The following AHI1 variants were observed in gnomAD, a reference collection of about 807,000 sequenced individuals.
AHI1 encodes Abelson helper integration site 1, also known as jouberin.
Under a neutral mutation model 149.3 loss-of-function variants are expected in AHI1, and 123 were observed. The observed-to-expected ratio is 0.82, with a 90% CI of 0.71 to 0.96. The LOEUF (loss-of-function observed/expected upper bound fraction) is 0.96, where lower values mean the gene tolerates loss of function less well. Ranked by LOEUF, AHI1 falls within the 40% of genes least tolerant of loss-of-function variation. The pLI is 0.00. For synonymous variants in AHI1, 475 were observed against 459.8 expected (o/e 1.03, Z -0.42); for missense variants, 1,439 against 1,422.7 (o/e 1.01, Z -0.18).
intron 26 of AHI1, among the ~76,000 whole-genome samples, chr6:135,309,834 C>T (rs1216846279): frequency 6.6e-6 from 1 of 152,120 alleles, no homozygotes; most frequent in Non-Finnish European, 1.5e-5. Context: ...AGTTTCATCA[C>T]TATCCTTGAT....
rs1778532290 is a variant in AHI1, at chr6:135,391,755, G to GT, written c.3109+3020dup. Among the ~76,000 whole-genome samples the GT allele has an allele frequency of 4.6e-5, 7 of 152,258 alleles. No homozygotes were observed. The South Asian group carries it at 1.5e-3, about 32-fold the overall frequency. On this transcript the variant is annotated intron_variant, in intron 23 of 28. Coordinates refer to ENST00000265602, the MANE Select transcript of AHI1 (RefSeq NM_001134831.2). Reference sequence around the variant, plus strand: ...ATTCAATGATACTTGTTAAAGCACAGTAAGAAAGACTTTATTCAGGGCTAC... The same window carrying GT: ...ATTCAATGATACTTGTTAAAGCACAGTTAAGAAAGACTTTATTCAGGGCTAC...
At chr6:135,300,379 C>A (rs1319418110) in intron 27 of AHI1, 121 bp downstream of exon 27, 16 of 974,018 alleles carry the variant, frequency 1.6e-5, no homozygotes, top group Non-Finnish European at 2.2e-5. Flanking sequence ...CCTTTAAAAT[C>A]AACTATCTGA....
intron 11 of AHI1, among the ~76,000 whole-genome samples, chr6:135,451,223 C>T (rs1051050509): frequency 6.6e-6 from 1 of 152,154 alleles, no homozygotes; most frequent in Non-Finnish European, 1.5e-5. Flanking sequence ...TCTCAAACTC[C>T]TGACCTCAAG....
intron 24 of AHI1, among the ~76,000 whole-genome samples, chr6:135,327,101 C>T (rs773177348): frequency 2.6e-5 from 4 of 152,134 alleles, no homozygotes; most frequent in African/African-American, 4.8e-5. Context: ...GAGTAGCAGT[C>T]GACATACATA....
intron 5 of AHI1, chr6:135,490,097 ATTTGCTTAGTC>A: frequency 1.4e-6 from 1 of 701,118 alleles, no homozygotes; most frequent in South Asian, 1.5e-5. Flanking sequence ...TTAGTTGCTG[ATTTGCTTAGTC>A]TTTGAGCACT....
intron 27 of AHI1, 42 bp from the exon 28 acceptor site, chr6:135,290,567 G>A (rs1371904617): frequency 1.2e-6 from 2 of 1,608,540 alleles, no homozygotes; most frequent in Non-Finnish European, 1.7e-6. Flanking sequence ...CAGTAAAAGA[G>A]AGCTGAGCTA....
At chr6:135,425,746 C>T (rs7759971) in intron 20 of AHI1, among the ~76,000 whole-genome samples, 44,859 of 151,528 alleles carry the variant, frequency 0.3, 7,174 homozygotes, top group South Asian at 0.42. Context: ...AGCTCTTTCT[C>T]CTACTAGGCC....
intron 20 of AHI1, among the ~76,000 whole-genome samples, chr6:135,423,989 T>C (rs540219009): frequency 2.0e-5 from 3 of 152,184 alleles, no homozygotes; most frequent in East Asian, 1.9e-4. Context: ...GGGTAGGTAC[T>C]AGTAGGAAAA....
At chr6:135,448,599 T>A in intron 11 of AHI1, 124 bp from the exon 12 acceptor site, 1 of 777,702 alleles carries the variant, frequency 1.3e-6, no homozygotes, top group Non-Finnish European at 1.8e-6. Context: ...TTCTTAGTTT[T>A]AAAAAGCAAA....
At chr6:135,398,779 GACCTCTCCC>G (rs1388461245) in intron 22 of AHI1, among the ~76,000 whole-genome samples, 1 of 152,072 alleles carries the variant, frequency 6.6e-6, no homozygotes, top group Non-Finnish European at 1.5e-5. Flanking sequence ...TGAAAGAATG[GACCTCTCCC>G]ACCTATCCTT....
chr6:135,440,090 A>G (rs1485557702), intron 14 of AHI1, among the ~76,000 whole-genome samples: 1 of 152,152 alleles, frequency 6.6e-6, no homozygotes, highest in Non-Finnish European at 1.5e-5. Context: ...CCTGTCTCAA[A>G]CTTTAAAGGA....
intron 24 of AHI1, among the ~76,000 whole-genome samples, chr6:135,330,593 T>A (rs1282336243): frequency 1.3e-5 from 2 of 152,236 alleles, no homozygotes; most frequent in East Asian, 3.8e-4. Flanking sequence ...GGTATTGCAG[T>A]GGTCTGGAAC....
intron 27 of AHI1, among the ~76,000 whole-genome samples, chr6:135,293,392 C>CAAAAAAA (rs1175955601): frequency 7.0e-4 from 14 of 20,104 alleles, no homozygotes; most frequent in African/African-American, 1.6e-3. Flanking sequence ...GTTAACAGGG[C>CAAAAAAA]AAAAAAAAAA....
chr6:135,451,493 AC>A (rs1788091903), intron 11 of AHI1, among the ~76,000 whole-genome samples: 1 of 152,208 alleles, frequency 6.6e-6, no homozygotes, highest in African/African-American at 2.4e-5. Flanking sequence ...AAAATGTTCA[AC>A]ATATTTACCC....
intron 13 of AHI1, among the ~76,000 whole-genome samples, chr6:135,445,283 A>G (rs557018974): frequency 6.6e-6 from 1 of 152,376 alleles, no homozygotes; most frequent in South Asian, 2.1e-4. Flanking sequence ...TTCATCTGGT[A>G]GCAGCTCATA....
rs148906154 is a variant in AHI1 at position 135,396,197 on chromosome 6, G to A, written c.2989-1301C>T. 3.4e-4 allele frequency among the ~76,000 whole-genome samples: 51 copies of A among 151,690 alleles called. 1 individual carries two copies. The East Asian group carries it at 9.5e-3, about 28-fold the overall frequency. On this transcript the variant is annotated intron_variant, in intron 22 of 28. Coordinates refer to ENST00000265602, the MANE Select transcript of AHI1 (RefSeq NM_001134831.2). ...AGTATTTTCCAAAGTAGTTGGGGGG[G>A]TCAAATACCACATCAGTCCTAAAAT...
In AHI1 at chr6:135,442,810, T is replaced by C. The variant is rs891702817; in HGVS notation, c.1780-96A>G. 4.2e-5 allele frequency: 49 copies of C among 1,157,228 alleles called. No homozygotes were observed. The African/African-American group carries it at 6.5e-4, about 15-fold the overall frequency. The allele number at this position is 1,157,228 out of a possible 1,614,324, so 71.7% of individuals were successfully genotyped here. On this transcript the variant is annotated intron_variant, in intron 13 of 28. Coordinates refer to ENST00000265602, the MANE Select transcript of AHI1 (RefSeq NM_001134831.2). Reference sequence around the variant, plus strand: ...TTACTGTAGTTCTTTTAAGTCCTTTTATGATGCAGAGAAAGAGAAAAACAA... The same window carrying C: ...TTACTGTAGTTCTTTTAAGTCCTTTCATGATGCAGAGAAAGAGAAAAACAA...
rs771505431 is a variant in AHI1 at position 135,388,066 on chromosome 6, A to G, written c.3109+6710T>C. On this transcript the variant is annotated intron_variant, in intron 23 of 28. Coordinates refer to ENST00000265602, the MANE Select transcript of AHI1 (RefSeq NM_001134831.2). ...ACAAATTCTTGTCGTTAAAAACTGC[A>G]TAATAAAAACATTTTTGATTCTTTT... 53 of 1,610,792 alleles carry G rather than the reference A, an allele frequency of 3.3e-5. No homozygotes were observed. In the South Asian group the frequency reaches 4.9e-4, roughly 15 times the overall value.
chr6:135,434,636 AATG>A (rs1785135175), intron 15 of AHI1, among the ~76,000 whole-genome samples: 1 of 152,072 alleles, frequency 6.6e-6, no homozygotes, highest in Non-Finnish European at 1.5e-5. Flanking sequence ...AACTGGAATC[AATG>A]ATGGTTTCTG....
Sources: gnomAD v4.1 joint callset for allele counts (sites outside exome capture counted in the v4.1 genomes callset) on GRCh38, gnomAD v4.1.1 for gene constraint, MANE v1.5 for transcripts, NCBI Gene and HGNC (gene_info 2026-07-23, HGNC 2026-07-21) for gene names.